CATSPERT: variants seen among roughly 807,000 people sequenced by gnomAD.
CATSPERT encodes catsper channel auxiliary subunit tau, also known as cation channel sperm-associated targeting subunit tau.
At chr2:201,510,799 C>T in the CATSPERT span, among the ~76,000 whole-genome samples, 1 of 152,072 alleles carries the variant, frequency 6.6e-6, no homozygotes, top group Non-Finnish European at 1.5e-5. Flanking sequence ...CTGACATAAC[C>T]TAAGGACCTT....
the CATSPERT span, among the ~76,000 whole-genome samples, chr2:201,525,703 A>C: frequency 6.6e-6 from 1 of 152,180 alleles, no homozygotes; most frequent in African/African-American, 2.4e-5. Flanking sequence ...AAATATAAAT[A>C]AGATTGATAG....
the CATSPERT span, among the ~76,000 whole-genome samples, chr2:201,533,722 A>T: frequency 6.6e-6 from 1 of 152,154 alleles, no homozygotes; most frequent in Non-Finnish European, 1.5e-5. Flanking sequence ...GAACTTAGTT[A>T]ATCTCCAAAT....
the CATSPERT span, among the ~76,000 whole-genome samples, chr2:201,595,821 A>G: frequency 1.3e-5 from 2 of 150,684 alleles, no homozygotes; most frequent in African/African-American, 5.0e-5. Context: ...AAAAAGCTCA[A>G]CATCACTGAT....
the CATSPERT span, chr2:201,601,984 A>G: frequency 1.2e-6 from 1 of 857,022 alleles, no homozygotes; most frequent in Non-Finnish European, 1.7e-6. Flanking sequence ...AAACCTAAGA[A>G]TCAATCATGT....
the CATSPERT span, among the ~76,000 whole-genome samples, chr2:201,574,951 T>C: frequency 2.6e-5 from 4 of 151,312 alleles, no homozygotes; most frequent in Non-Finnish European, 5.9e-5. Context: ...GTGAGGCTCC[T>C]GAGGCTATGC....
chr2:201,537,428 T>C, the CATSPERT span: 2 of 1,584,752 alleles, frequency 1.3e-6, no homozygotes, highest in South Asian at 2.3e-5. Flanking sequence ...TCTTCCAATT[T>C]CCCTTACCTC....
At chr2:201,580,815 G>A in the CATSPERT span, among the ~76,000 whole-genome samples, 1 of 152,120 alleles carries the variant, frequency 6.6e-6, no homozygotes. Flanking sequence ...AGGACTCCTA[G>A]AAAGGAGAAA....
At chr2:201,571,945 C>A in the CATSPERT span, 2 of 1,612,610 alleles carry the variant, frequency 1.2e-6, no homozygotes, top group Admixed American at 1.7e-5. Flanking sequence ...ACTTACGTCA[C>A]GGGATCTGTT....
At chr2:201,549,049 A>C in the CATSPERT span, among the ~76,000 whole-genome samples, 1 of 152,110 alleles carries the variant, frequency 6.6e-6, no homozygotes, top group Admixed American at 6.6e-5. Flanking sequence ...AGAAGTGTGA[A>C]TCTGTGAAGC....
chr2:201,545,198 T>C, the CATSPERT span, among the ~76,000 whole-genome samples: 3 of 151,658 alleles, frequency 2.0e-5, no homozygotes, highest in Non-Finnish European at 4.4e-5. Flanking sequence ...CCACCGCGCC[T>C]GGCTAATTTT....
chr2:201,574,171 G>T, the CATSPERT span: 2 of 1,460,326 alleles, frequency 1.4e-6, no homozygotes, highest in Non-Finnish European at 1.9e-6. Context: ...TGACTGAAGA[G>T]TTACAACAGA....
At chr2:201,597,112 C>T in the CATSPERT span, among the ~76,000 whole-genome samples, 4 of 152,128 alleles carry the variant, frequency 2.6e-5, no homozygotes. Context: ...AGATTATGTT[C>T]GTCCTATAGA....
chr2:201,586,160 T>C, the CATSPERT span, among the ~76,000 whole-genome samples: 1 of 152,344 alleles, frequency 6.6e-6, no homozygotes, highest in Admixed American at 6.5e-5. Flanking sequence ...ATACAGTATA[T>C]AATACATAAC....
the CATSPERT span, among the ~76,000 whole-genome samples, chr2:201,583,513 G>A: frequency 6.6e-6 from 1 of 152,054 alleles, no homozygotes; most frequent in Non-Finnish European, 1.5e-5. Flanking sequence ...TGGTTTACAT[G>A]GTAAACATTA....
chr2:201,492,300 G>T, the CATSPERT span: 13 of 1,535,780 alleles, frequency 8.5e-6, no homozygotes, highest in Non-Finnish European at 9.6e-6. Context: ...TATGCTGGTT[G>T]ATCCCTTCTA....
the CATSPERT span, among the ~76,000 whole-genome samples, chr2:201,511,519 T>C: frequency 6.6e-6 from 1 of 152,144 alleles, no homozygotes; most frequent in African/African-American, 2.4e-5. Flanking sequence ...ATACGAGTTC[T>C]CTTACTACCA....
the CATSPERT span, chr2:201,555,595 C>A: frequency 6.6e-6 from 1 of 152,252 alleles, no homozygotes; most frequent in East Asian, 1.9e-4. Flanking sequence ...CCAAGCTCAA[C>A]GAATTTTTAT....
At chr2:201,501,426 T>TCTCA in the CATSPERT span, among the ~76,000 whole-genome samples, 1 of 131,104 alleles carries the variant, frequency 7.6e-6, no homozygotes, top group East Asian at 2.2e-4. Flanking sequence ...AAAAGAAAGA[T>TCTCA]CTCAAATTAA....
At chr2:201,573,107 G>A in the CATSPERT span, among the ~76,000 whole-genome samples, 4 of 152,184 alleles carry the variant, frequency 2.6e-5, no homozygotes, top group Non-Finnish European at 5.9e-5. Context: ...TTCAATATTT[G>A]ATGAGAGTAT....
Sources: gnomAD v4.1 joint callset for allele counts (sites outside exome capture counted in the v4.1 genomes callset) on GRCh38, gnomAD v4.1.1 for gene constraint, MANE v1.5 for transcripts, NCBI Gene and HGNC (gene_info 2026-07-23, HGNC 2026-07-21) for gene names.